Variants in FKRP observed in about 807,000 individuals in gnomAD.
FKRP encodes the protein ribitol 5-phosphate transferase FKRP.
In FKRP, 25 loss-of-function variants were observed where a neutral mutation model predicts 30.6. That is an observed-to-expected ratio of 0.82 (90% confidence interval 0.60 to 1.14). The LOEUF (loss-of-function observed/expected upper bound fraction) is 1.14. Among genes scored for constraint, FKRP ranks in the 50% most tolerant of loss-of-function variants. The probability of loss-of-function intolerance (pLI) is 0.00; values close to 1 mark genes in which losing one functional copy is unlikely to be tolerated. For missense variants in FKRP, 771 were observed against 727.8 expected, an observed-to-expected ratio of 1.06 and a Z score of -0.68; for synonymous variants, 358 against 342.5, an observed-to-expected ratio of 1.05 and a Z score of -0.50.
chr19:46,746,291 C>G, intron 1 of FKRP: 1 of 1,419,324 alleles, frequency 7.0e-7, no homozygotes, highest in East Asian at 3.2e-5. Flanking sequence ...GCCGCCGCCT[C>G]CCTTACCTGC....
At chr19:46,745,969 C>T (rs1247984421), upstream of FKRP, 1 of 701,722 alleles carries the variant, frequency 1.4e-6, no homozygotes. Context: ...CCCCGGAGTG[C>T]CCTCAGGACA....
intron 1 of FKRP, chr19:46,746,896 G>A (rs2054651193): frequency 6.6e-6 from 1 of 152,268 alleles, no homozygotes. Context: ...CAGCGGTGGG[G>A]GCGAGGTGGT....
At position 46,756,152 on chromosome 19, in the gene FKRP, G is replaced by A. The variant is rs2054914655; in HGVS notation, c.702G>A (p.Gln234=). ...LQTALRGWAV[Q]LLDLTFAAAR... is the part of the protein sequence containing the mutation. Reference sequence around the variant, plus strand: ...CCGCCCTTCGCGGCTGGGCGGTGCAGCTGCTGGACTTGACCTTCGCCGCGG... The same window carrying A: ...CCGCCCTTCGCGGCTGGGCGGTGCAACTGCTGGACTTGACCTTCGCCGCGG... Residue 234 remains glutamine (Q), a synonymous_variant, in exon 4 of 4, where the codon CAG becomes CAA. Transcript: ENST00000318584. This position sits in a 1 kb window ranked among gnomAD's most constrained non-coding sequence, Gnocchi z 6.6. 6.8e-7 allele frequency: 1 copy of A among 1,471,168 alleles called. No individual in the cohort carries two copies. Among genetic ancestry groups the A allele is most frequent in the Non-Finnish European group, 8.9e-7 (1 of 1,119,242 alleles). The allele number at this position is 1,471,168 out of a possible 1,614,324, so 91.1% of individuals were successfully genotyped here. A position where few individuals can be genotyped will look rare whatever the true frequency, so the allele number is the denominator to read the frequency against.
intron 3 of FKRP, among the ~76,000 whole-genome samples, chr19:46,750,697 T>C (rs2054774201): frequency 1.3e-5 from 2 of 151,884 alleles, no homozygotes; most frequent in South Asian, 4.2e-4. Flanking sequence ...GCCTGGCTGA[T>C]TTTTGTATTT....
Position 46,755,495 on chromosome 19 carries a change from C to G in FKRP, c.45C>G (p.Thr15=). Residue 15 remains threonine (T), a synonymous_variant, in exon 4 of 4, where the codon ACC becomes ACG. Coordinates refer to ENST00000318584, the MANE Select transcript of FKRP (RefSeq NM_024301.5). ...RCQAALAAAI[T]LNLLVLFYVS... is the part of the protein sequence containing the mutation. ...AGGCTGCCCTGGCGGCCGCCATCAC[C>G]CTCAACCTTCTGGTCCTCTTCTATG... The G allele has an allele frequency of 6.2e-7, 1 of 1,610,932 alleles. No individual in the cohort carries two copies. The highest frequency in any genetic ancestry group is 1.3e-5 in the African/African-American group (1 of 75,002).
intron 3 of FKRP, 28 bp from the exon 4 acceptor site, chr19:46,755,384 T>C: frequency 7.0e-7 from 1 of 1,436,482 alleles, no homozygotes; most frequent in Non-Finnish European, 9.4e-7. Context: ...AATCAGCTGC[T>C]GCCTTCCCTT....
chr19:46,755,294 A>C, intron 3 of FKRP, 118 bp from the exon 4 acceptor site: 1 of 722,340 alleles, frequency 1.4e-6, no homozygotes, highest in Non-Finnish European at 2.2e-6. Flanking sequence ...AGCTGAAACC[A>C]AATAGGGAAA....
chr19:46,744,975 T>A (rs2054549995), upstream of FKRP, among the ~76,000 whole-genome samples: 1 of 151,974 alleles, frequency 6.6e-6, no homozygotes, highest in Non-Finnish European at 1.5e-5. Context: ...TGTCCCAAGC[T>A]ACCCCAAAAA....
In FKRP at chr19:46,756,869, C is replaced by A; in HGVS notation, c.1419C>A (p.Phe473Leu). Residue 473 changes from phenylalanine to leucine, a missense_variant, in exon 4 of 4, where the codon TTC (phenylalanine) becomes TTA (leucine). Physicochemically the swap from Phe to Leu is conservative, Grantham distance 22 (BLOSUM62 0). Transcript: ENST00000318584. This position sits in a 1 kb window ranked among gnomAD's most constrained non-coding sequence, Gnocchi z 6.6. ...ACCGCCGCTTCCTGGAGCTCAAGTT[C>A]GGGCCCGGGGTCATCGAGAACCCCC... is the stretch of plus-strand genomic sequence containing the variant. ...NNYRRFLELKFGPGVIENPQY... is the reference protein window; with the variant it reads ...NNYRRFLELKLGPGVIENPQY... 6.2e-7 allele frequency: 1 copy of A among 1,611,170 alleles called. No homozygotes were observed. Among genetic ancestry groups the A allele is most frequent in the Admixed American group, 1.7e-5 (1 of 59,708 alleles).
chr19:46,756,923 G>A lies in FKRP; in HGVS notation c.1473G>A (p.Leu491=). 1 of 1,613,046 alleles carries A rather than the reference G, an allele frequency of 6.2e-7. No individual in the cohort carries two copies. The highest frequency in any genetic ancestry group is 8.5e-7 in the Non-Finnish European group (1 of 1,179,960). The change falls in exon 4 of 4, where the codon CTG becomes CTA. Residue 491 remains leucine (L), a synonymous_variant. Transcript: ENST00000318584. This position sits in a 1 kb window ranked among gnomAD's most constrained non-coding sequence, Gnocchi z 6.6. ...ACCCCAACCCGGCACTGCTGAGTCT[G>A]ACGGGAAGCGGCTGAAGCCCTGATA... The part of the protein sequence containing the change: ...PQYPNPALLS[L]TGSG
intron 3 of FKRP, among the ~76,000 whole-genome samples, chr19:46,754,733 G>A (rs2054871351): frequency 6.6e-6 from 1 of 151,822 alleles, no homozygotes; most frequent in Non-Finnish European, 1.5e-5. Flanking sequence ...AGCCTCCTGA[G>A]TAGCTGGGCT....
Position 46,755,472 on chromosome 19 carries a change from G to A in FKRP, c.22G>A (p.Ala8Thr), listed in dbSNP as rs1178928336. The A allele has an allele frequency of 5.6e-6, 9 of 1,608,354 alleles. No homozygotes were observed. Among genetic ancestry groups the A allele is most frequent in the Non-Finnish European group, 6.8e-6 (8 of 1,179,328 alleles). MRLTRCQ[A>T]ALAAAITLNL... Reference sequence around the variant, plus strand: ...CCCCATGCGGCTCACCCGCTGCCAGGCTGCCCTGGCGGCCGCCATCACCCT... The same window carrying A: ...CCCCATGCGGCTCACCCGCTGCCAGACTGCCCTGGCGGCCGCCATCACCCT... The change falls in exon 4 of 4, where the codon GCT becomes ACT. Residue 8 changes from alanine (A) to threonine (T), a missense_variant. Ala to Thr is a moderately conservative substitution (Grantham distance 58, BLOSUM62 0). Transcript: ENST00000318584.
intron 3 of FKRP, among the ~76,000 whole-genome samples, chr19:46,751,965 G>A (rs889955026): frequency 6.6e-6 from 1 of 152,168 alleles, no homozygotes; most frequent in South Asian, 2.1e-4. Context: ...GGGGTGGATC[G>A]CCTGTGGCTA....
chr19:46,748,450 A>G (rs2054717920), intron 2 of FKRP, 65 bp from the exon 3 acceptor site: 3 of 152,228 alleles, frequency 2.0e-5, no homozygotes, highest in Admixed American at 2.0e-4. Flanking sequence ...TGCTAGAATT[A>G]CAGGCGTGAG....
At chr19:46,746,317 G>A in intron 1 of FKRP, 1 of 1,343,636 alleles carries the variant, frequency 7.4e-7, no homozygotes, top group Non-Finnish European at 9.5e-7. Context: ...CCGGCCCGGG[G>A]GCAGGGGCGG....
chr19:46,753,670 A>G (rs2054841633), intron 3 of FKRP, among the ~76,000 whole-genome samples: 2 of 151,856 alleles, frequency 1.3e-5, no homozygotes, highest in Non-Finnish European at 2.9e-5. Flanking sequence ...CTTGTGCTTT[A>G]GGAAGACTCC....
rs548173542 is a variant in FKRP at position 46,750,484 on chromosome 19, G to A, written c.-40+1819G>A. Among the ~76,000 whole-genome samples, 5 of 152,276 alleles carry A rather than the reference G, an allele frequency of 3.3e-5. No individual in the cohort carries two copies. The East Asian group carries it at 7.7e-4, about 24-fold the overall frequency. ...CCAGGGCCTCAGAAGCGGAGACCTC[G>A]GTTCTCGACCCTGCATCCTTCTTAT... On this transcript the variant is annotated intron_variant, in intron 3 of 3. Transcript: ENST00000318584.
In FKRP at chr19:46,756,036, G is replaced by C. The variant is rs759875552; in HGVS notation, c.586G>C (p.Gly196Arg). ...CGCGCCCCGCTGCGACGCCCTGGAC[G>C]GAGATGCTGTGGTGCTCCTGCGCGC... ...PAAPRCDALD[G>R]DAVVLLRARD... Residue 196 changes from glycine (G) to arginine (R), a missense_variant, in exon 4 of 4, where the codon GGA becomes CGA. Coordinates refer to ENST00000318584, the MANE Select transcript of FKRP (RefSeq NM_024301.5). The surrounding 1 kb of genome is among the most constrained non-coding windows in gnomAD (Gnocchi z 6.6). 6.3e-6 allele frequency: 10 copies of C among 1,579,308 alleles called. No individual in the cohort carries two copies. The highest frequency in any genetic ancestry group is 1.4e-5 in the African/African-American group (1 of 73,358).
At chr19:46,750,269 C>T (rs996704774) in intron 3 of FKRP, among the ~76,000 whole-genome samples, 9 of 152,168 alleles carry the variant, frequency 5.9e-5, no homozygotes, top group African/African-American at 1.7e-4. Context: ...TTCCTTTCCC[C>T]GCCTCAGGTT....
Sources: allele counts gnomAD v4.1 joint callset (sites outside exome capture counted in the v4.1 genomes callset), GRCh38; gene constraint gnomAD v4.1.1; non-coding constraint Gnocchi (gnomAD v3.1); transcripts MANE v1.5; gene names NCBI Gene and HGNC (gene_info 2026-07-23, HGNC 2026-07-21).